Variants in PFKM observed in about 807,000 individuals in gnomAD.
PFKM encodes the protein phosphofructokinase, muscle.
PFKM carries 58 observed loss-of-function variants against 95.5 expected under a neutral mutation model. The ratio of observed to expected loss-of-function variants is 0.61; its 90% CI spans 0.49 to 0.76. The LOEUF is 0.76. Ranked by LOEUF, PFKM falls within the 30% of genes least tolerant of loss-of-function variation. The probability of loss-of-function intolerance (pLI) is 0.00; values close to 1 mark genes in which losing one functional copy is unlikely to be tolerated. For synonymous variants in PFKM, 336 were observed against 357.2 expected, an observed-to-expected ratio of 0.94 and a Z score of 0.67; for missense variants, 678 against 1,005.4, an observed-to-expected ratio of 0.67 and a Z score of 4.40.
chr12:48,117,551 CTG>C (rs570149105), upstream of PFKM, among the ~76,000 whole-genome samples: 5 of 152,210 alleles, frequency 3.3e-5, no homozygotes, highest in Non-Finnish European at 7.3e-5. Flanking sequence ...TGGTGTCTCA[CTG>C]TTTTAATTTG....
At chr12:48,119,178 A>G (rs1947930728), upstream of PFKM, 2 of 588,922 alleles carry the variant, frequency 3.4e-6, no homozygotes, top group Non-Finnish European at 2.1e-6. Flanking sequence ...AGCCGCTGCC[A>G]TATCTGAGCT....
intron 19 of PFKM, 69 bp downstream of exon 19, chr12:48,143,883 C>G (rs1199558005): frequency 7.7e-7 from 1 of 1,295,014 alleles, no homozygotes; most frequent in Non-Finnish European, 1.1e-6. Context: ...CATAGAATGG[C>G]CATTGTTGGG....
In PFKM at chr12:48,131,102, T is replaced by A. The variant is rs181916576; in HGVS notation, c.160-214T>A. Among the ~76,000 whole-genome samples, 138 of 152,312 alleles carry A rather than the reference T, an allele frequency of 9.1e-4. 2 individuals carry two copies. The highest frequency in any genetic ancestry group is 6.8e-3 in the Middle Eastern group (2 of 294). ...TAGGAAGGATATCCACATCCCAGTATTTCAAAAATGGGAGAAAGTAGAAGA... is the reference window on the plus strand; with the variant it reads ...TAGGAAGGATATCCACATCCCAGTAATTCAAAAATGGGAGAAAGTAGAAGA... On this transcript the variant is annotated intron_variant, in intron 3 of 22. Coordinates refer to ENST00000359794, the MANE Select transcript of PFKM (RefSeq NM_000289.6).
intron 11 of PFKM, among the ~76,000 whole-genome samples, chr12:48,138,821 G>A (rs1279875267): frequency 2.0e-5 from 3 of 152,136 alleles, no homozygotes; most frequent in East Asian, 3.9e-4. Flanking sequence ...TTGGGAGGCC[G>A]AGGCAGGCAG....
chr12:48,109,074 A>G (rs1403402852), intron 3 of PFKM, among the ~76,000 whole-genome samples: 1 of 152,250 alleles, frequency 6.6e-6, no homozygotes, highest in Non-Finnish European at 1.5e-5. Context: ...GAAATGAGAA[A>G]ATGAAATAGA....
chr12:48,105,818 AACGGCCACCGGCGGCCACAGC>A (rs1351794040), upstream of PFKM: 52 of 595,004 alleles, frequency 8.7e-5, no homozygotes, highest in African/African-American at 7.5e-4. Flanking sequence ...CAGGTAGCCT[AACGGCCACCGGCGGCCACAGC>A]GCGGCCACCG....
chr12:48,130,524 C>A, intron 3 of PFKM, 88 bp downstream of exon 3: 5 of 973,784 alleles, frequency 5.1e-6, no homozygotes, highest in Non-Finnish European at 8.4e-6. Flanking sequence ...TGTGTCCTTA[C>A]CTCCCAGTTA....
rs1004498989 is a variant in PFKM, at chr12:48,125,241, A to T, written c.85+2382A>T. The T allele has an allele frequency of 8.5e-4, 343 of 404,906 alleles. 6 individuals carry two copies. The highest frequency in any genetic ancestry group is 1.6e-4 in the Non-Finnish European group (32 of 204,890). 25.1% of individuals were successfully genotyped at this position (404,906 alleles called of 1,614,324 possible). On this transcript the variant is annotated intron_variant, in intron 2 of 22. Coordinates refer to ENST00000359794, the MANE Select transcript of PFKM (RefSeq NM_000289.6). ...ATATTCTACCCCTGGAAAGGACCTC[A>T]GTCAGTCATCTGCTCTGGCCCTCTG...
At chr12:48,137,522 G>A (rs769698379) in intron 10 of PFKM, 199 bp from the exon 11 acceptor site, 19 of 621,694 alleles carry the variant, frequency 3.1e-5, no homozygotes, top group Non-Finnish European at 5.4e-5. Flanking sequence ...TTGGGGTTCC[G>A]ATGGCAAGAA....
At chr12:48,144,191 G>GACAGCCATACCTGCCA (rs762206320) in intron 20 of PFKM, 34 bp downstream of exon 20, 24 of 1,402,132 alleles carry the variant, frequency 1.7e-5, no homozygotes, top group South Asian at 2.3e-5. Flanking sequence ...CCCTTCATCA[G>GACAGCCATACCTGCCA]ACAGCCATAC....
intron 18 of PFKM, among the ~76,000 whole-genome samples, chr12:48,143,500 G>C (rs547445699): frequency 1.8e-4 from 27 of 152,328 alleles, no homozygotes; most frequent in African/African-American, 6.3e-4. Context: ...GAGAGGGTGA[G>C]GGGCTGAACA....
At chr12:48,119,216 G>C (rs948056215), upstream of PFKM, 3 of 949,212 alleles carry the variant, frequency 3.2e-6, no homozygotes, top group African/African-American at 3.5e-5. Flanking sequence ...AGGAAGAGGA[G>C]GAGAAAGGCA....
At chr12:48,135,192 A>G in intron 9 of PFKM, 99 bp from the exon 10 acceptor site, 1 of 1,204,618 alleles carries the variant, frequency 8.3e-7, no homozygotes, top group Non-Finnish European at 1.2e-6. Flanking sequence ...CCATTACAAG[A>G]CAAGAGGCTG....
intron 10 of PFKM, 134 bp from the exon 11 acceptor site, chr12:48,137,587 G>C: frequency 9.9e-7 from 1 of 1,005,240 alleles, no homozygotes; most frequent in Admixed American, 1.9e-5. Flanking sequence ...AGCCCAGTAA[G>C]TTCTTTGCTG....
At chr12:48,119,571 A>G (rs1947988525) in intron 1 of PFKM, 165 bp downstream of exon 1, 1 of 220,414 alleles carries the variant, frequency 4.5e-6, no homozygotes, top group Non-Finnish European at 7.6e-6. Context: ...GGCAGTCGTG[A>G]AGGATCCTAG....
In PFKM at chr12:48,139,020, G is replaced by A. The variant is rs139490758; in HGVS notation, c.1063-265G>A. On this transcript the variant is annotated intron_variant, in intron 11 of 22. Transcript: ENST00000359794. ...CACGCCACTGCACTCCAGCCTGGGC[G>A]ACAGAGCGAGACTCCGTCTCAAAAA... 8.4e-3 allele frequency among the ~76,000 whole-genome samples: 1,275 copies of A among 152,224 alleles called. 15 individuals carry two copies. Among genetic ancestry groups the A allele is most frequent in the African/African-American group, 0.028 (1,155 of 41,538 alleles).
chr12:48,145,787 T>G lies in PFKM; in HGVS notation c.*79T>G. 2 of 1,489,752 alleles carry G rather than the reference T, an allele frequency of 1.3e-6. No individual in the cohort carries two copies. The highest frequency in any genetic ancestry group is 2.1e-4 in the Middle Eastern group (1 of 4,820). 92.3% of individuals were successfully genotyped at this position (1,489,752 alleles called of 1,614,324 possible). On this transcript the variant is annotated 3_prime_UTR_variant, in exon 23 of 23. Transcript: ENST00000359794. The surrounding 1 kb of genome is among the most constrained non-coding windows in gnomAD (Gnocchi z 4.3). ...AATAAGTCCACATCTTCTCAGTGTT[T>G]TAGCTGTTTTTTTCATTAGGTTTCC...
Position 48,144,115 on chromosome 12 carries a change from C to T in PFKM, c.1950C>T (p.Gly650=). 1 of 1,613,568 alleles carries T rather than the reference C, an allele frequency of 6.2e-7. No homozygotes were observed. Among genetic ancestry groups the T allele is most frequent in the Non-Finnish European group, 8.5e-7 (1 of 1,179,488 alleles). Residue 650 remains glycine, a synonymous_variant, in exon 20 of 23, where the codon GGC becomes GGT. Transcript: ENST00000359794. ...IFNLYSEEGK[G]IFDSRKNVLG... is the part of the protein sequence containing the mutation. ...ACCTGTACTCTGAGGAGGGGAAGGGCATCTTCGACAGCAGGAAGAATGTGC... is the reference window on the plus strand; with the variant it reads ...ACCTGTACTCTGAGGAGGGGAAGGGTATCTTCGACAGCAGGAAGAATGTGC...
chr12:48,122,663 G>A (rs1254108444), intron 1 of PFKM, 104 bp from the exon 2 acceptor site: 38 of 1,568,838 alleles, frequency 2.4e-5, no homozygotes, highest in Non-Finnish European at 3.1e-5. Context: ...GGTATAGTGG[G>A]AGAGCCTGAC....
Sources: gnomAD v4.1 joint callset for allele counts (sites outside exome capture counted in the v4.1 genomes callset) on GRCh38, gnomAD v4.1.1 for gene constraint, Gnocchi (gnomAD v3.1) non-coding constraint, MANE v1.5 for transcripts, NCBI Gene and HGNC (gene_info 2026-07-23, HGNC 2026-07-21) for gene names.